The following TMEM132C variants were observed in gnomAD, a reference collection of about 807,000 sequenced individuals.
The protein encoded by TMEM132C is protein phosphatase 1, regulatory subunit 152.
Under a neutral mutation model 61.4 loss-of-function variants are expected in TMEM132C, and 29 were observed. The observed-to-expected ratio is 0.47, with a 90% CI of 0.35 to 0.64. The LOEUF (loss-of-function observed/expected upper bound fraction) is 0.64, where lower values mean the gene tolerates loss of function less well. Ranked by LOEUF, TMEM132C falls within the 30% of genes least tolerant of loss-of-function variation. The pLI is 0.00. For synonymous variants in TMEM132C, 656 were observed against 633.1 expected (o/e 1.04, Z -0.54); for missense variants, 1,408 against 1,476.9 (o/e 0.95, Z 0.76).
At chr12:128,295,090 A>G (rs933810669) in intron 1 of TMEM132C, among the ~76,000 whole-genome samples, 1 of 152,008 alleles carries the variant, frequency 6.6e-6, no homozygotes, top group Admixed American at 6.6e-5. Context: ...ATCCTGTTTC[A>G]TCCTGTTTTG....
At chr12:128,430,771 T>C (rs1389650987) in intron 2 of TMEM132C, among the ~76,000 whole-genome samples, 1 of 152,200 alleles carries the variant, frequency 6.6e-6, no homozygotes, top group African/African-American at 2.4e-5. Context: ...GTTACTATTG[T>C]ATTGTTTTGG....
intron 1 of TMEM132C, among the ~76,000 whole-genome samples, chr12:128,324,767 G>C (rs896809334): frequency 3.3e-5 from 5 of 152,108 alleles, no homozygotes; most frequent in African/African-American, 1.2e-4. Flanking sequence ...GGTTGAGGCT[G>C]CAGTGAACCA....
chr12:128,676,004 C>A (rs1448798540), intron 5 of TMEM132C, among the ~76,000 whole-genome samples: 5 of 152,144 alleles, frequency 3.3e-5, no homozygotes, highest in African/African-American at 4.8e-5. Flanking sequence ...CTTTTACATA[C>A]CCACAGTCAT....
intron 1 of TMEM132C, among the ~76,000 whole-genome samples, chr12:128,349,565 C>T (rs1373960254): frequency 1.3e-5 from 2 of 152,192 alleles, no homozygotes; most frequent in African/African-American, 2.4e-5. Context: ...TACATACACT[C>T]CTTCTAATTG....
chr12:128,601,809 T>C (rs1015506374), intron 3 of TMEM132C, among the ~76,000 whole-genome samples: 25 of 152,318 alleles, frequency 1.6e-4, no homozygotes, highest in African/African-American at 5.5e-4. Flanking sequence ...TGTGCCAACC[T>C]AGTATCAGGA....
At chr12:128,368,638 A>C (rs796194865) in intron 1 of TMEM132C, among the ~76,000 whole-genome samples, 17 of 152,300 alleles carry the variant, frequency 1.1e-4, no homozygotes, top group African/African-American at 2.9e-4. Context: ...TTGAAGAAGA[A>C]ATTTCACTTC....
At chr12:128,550,410 C>A (rs991061987) in intron 3 of TMEM132C, among the ~76,000 whole-genome samples, 2 of 151,998 alleles carry the variant, frequency 1.3e-5, no homozygotes, top group African/African-American at 2.4e-5. Flanking sequence ...TCAAGCGATC[C>A]TCCTCTCAAG....
intron 1 of TMEM132C, among the ~76,000 whole-genome samples, chr12:128,356,866 C>G (rs1447166201): frequency 6.6e-6 from 1 of 152,204 alleles, no homozygotes; most frequent in African/African-American, 2.4e-5. Flanking sequence ...TGTTTTCCCA[C>G]TAAAAATGTG....
rs774317941 is a variant in TMEM132C at position 128,415,251 on chromosome 12, C to T, written c.605C>T (p.Ser202Phe). ...TGTGTGGCTGAGCTGGAGCTCCTGT[C>T]CAGCTGGTTCAGTGCCCCGACGGTG... ...GLCVAELELL[S>F]SWFSAPTVGA... The change falls in exon 2 of 9, where the codon TCC becomes TTC. Residue 202 changes from serine (S) to phenylalanine (F), a missense_variant. Coordinates refer to ENST00000435159, the MANE Select transcript of TMEM132C (RefSeq NM_001136103.3). The surrounding 1 kb of genome is among the most constrained non-coding windows in gnomAD (Gnocchi z 5.8). The T allele has an allele frequency of 6.2e-7, 1 of 1,606,894 alleles. No homozygotes were observed. The highest frequency in any genetic ancestry group is 1.1e-5 in the South Asian group (1 of 89,970).
At chr12:128,385,585 G>A (rs181878959) in intron 1 of TMEM132C, among the ~76,000 whole-genome samples, 1 of 152,200 alleles carries the variant, frequency 6.6e-6, no homozygotes, top group Non-Finnish European at 1.5e-5. Context: ...TTTGTCTGCA[G>A]TATGTATAAA....
At chr12:128,509,246 G>A (rs1220695521) in intron 2 of TMEM132C, among the ~76,000 whole-genome samples, 1 of 152,188 alleles carries the variant, frequency 6.6e-6, no homozygotes, top group East Asian at 1.9e-4. Flanking sequence ...ATCTGCACCT[G>A]TGCTTTTCCC....
At chr12:128,689,718 C>G (rs1289972016) in intron 5 of TMEM132C, among the ~76,000 whole-genome samples, 1 of 152,182 alleles carries the variant, frequency 6.6e-6, no homozygotes, top group African/African-American at 2.4e-5. Context: ...AGCATCATAA[C>G]TAAATGATTA....
At chr12:128,269,781 G>A (rs1870450315) in intron 1 of TMEM132C, among the ~76,000 whole-genome samples, 1 of 151,456 alleles carries the variant, frequency 6.6e-6, no homozygotes, top group Admixed American at 6.6e-5. Context: ...ATCTTCTAGA[G>A]AGGAAAGTTT....
At chr12:128,696,205 A>G (rs1362903229) in intron 7 of TMEM132C, 102 bp downstream of exon 7, 7 of 1,416,514 alleles carry the variant, frequency 4.9e-6, no homozygotes, top group Non-Finnish European at 6.6e-6. Flanking sequence ...TCCCCAACCC[A>G]TGTGTATCAT....
intron 4 of TMEM132C, among the ~76,000 whole-genome samples, chr12:128,651,063 C>T (rs1199034707): frequency 6.6e-6 from 1 of 152,186 alleles, no homozygotes; most frequent in East Asian, 1.9e-4. Context: ...GAGCCTCGCC[C>T]AGATTTCTAA....
chr12:128,549,053 A>C (rs1259529127), intron 3 of TMEM132C, among the ~76,000 whole-genome samples: 2 of 152,142 alleles, frequency 1.3e-5, no homozygotes, highest in Non-Finnish European at 2.9e-5. Context: ...TCATGCTCCC[A>C]GGGCTGTAGG....
intron 2 of TMEM132C, among the ~76,000 whole-genome samples, chr12:128,520,732 G>C (rs181496469): frequency 6.6e-6 from 1 of 152,280 alleles, no homozygotes; most frequent in East Asian, 1.9e-4. Context: ...TGGCTTGACA[G>C]TTAACAGGTT....
At chr12:128,528,099 C>T (rs1427013115) in intron 2 of TMEM132C, among the ~76,000 whole-genome samples, 1 of 152,194 alleles carries the variant, frequency 6.6e-6, no homozygotes, top group Non-Finnish European at 1.5e-5. Context: ...ATTGGACATA[C>T]TCACAAACAT....
chr12:128,372,002 C>T (rs1165901189), intron 1 of TMEM132C, among the ~76,000 whole-genome samples: 16 of 152,164 alleles, frequency 1.1e-4, no homozygotes, highest in Admixed American at 1.0e-3. Flanking sequence ...ACCATGACTT[C>T]AGTCTTACGA....
Sources: gnomAD v4.1 joint callset for allele counts (sites outside exome capture counted in the v4.1 genomes callset) on GRCh38, gnomAD v4.1.1 for gene constraint, Gnocchi (gnomAD v3.1) non-coding constraint, MANE v1.5 for transcripts, NCBI Gene and HGNC (gene_info 2026-07-23, HGNC 2026-07-21) for gene names.